Variants in ADAMTS19 observed in about 807,000 individuals in gnomAD.
ADAMTS19 encodes the protein ADAM metallopeptidase with thrombospondin type 1 motif 19.
ADAMTS19 carries 93 observed loss-of-function variants against 153.3 expected under a neutral mutation model. That is an observed-to-expected ratio of 0.61 (90% CI 0.51 to 0.72). The LOEUF is 0.72. Among genes scored for constraint, ADAMTS19 ranks in the 30% least tolerant of loss-of-function variants. ADAMTS19 has a pLI of 0.00. For missense variants in ADAMTS19, 1,482 were observed against 1,552.1 expected, an observed-to-expected ratio of 0.95 and a Z score of 0.76; for synonymous variants, 600 against 556.6, an observed-to-expected ratio of 1.08 and a Z score of -1.10.
At position 129,526,447 on chromosome 5, in the gene ADAMTS19, C is replaced by A. The variant is rs1223976702; in HGVS notation, c.1077C>A (p.Ile359=). The A allele has an allele frequency of 6.3e-7, 1 of 1,590,550 alleles. No homozygotes were observed. Reference sequence around the variant, plus strand: ...CAGCCAGGAGATTCATTCTAACCATCTTAAATATGGTAGGCAAACTTTAAA... The same window carrying A: ...CAGCCAGGAGATTCATTCTAACCATATTAAATATGGTAGGCAAACTTTAAA... ...ADAARRFILT[I]LNMVFNLFQH... The change falls in exon 4 of 23, where the codon ATC becomes ATA. Residue 359 remains isoleucine (I), a synonymous_variant. Transcript: ENST00000274487.
chr5:129,590,989 C>A (rs1176876540), intron 7 of ADAMTS19, among the ~76,000 whole-genome samples: 1 of 152,142 alleles, frequency 6.6e-6, no homozygotes, highest in Non-Finnish European at 1.5e-5. Context: ...AGTGTTGATG[C>A]GGAGATGTGC....
At chr5:129,637,918 G>A (rs62399044) in intron 10 of ADAMTS19, among the ~76,000 whole-genome samples, 9,223 of 152,044 alleles carry the variant, frequency 0.061, 406 homozygotes, top group Non-Finnish European at 0.087. Flanking sequence ...TAAATGATAC[G>A]AACTTAGGAA....
chr5:129,548,829 T>C (rs765246468), intron 6 of ADAMTS19, among the ~76,000 whole-genome samples: 105 of 151,902 alleles, frequency 6.9e-4, no homozygotes, highest in Non-Finnish European at 1.5e-3. Context: ...ATATACACCA[T>C]AGAATACTAT....
At chr5:129,699,057 C>T (rs1755702016) in intron 19 of ADAMTS19, among the ~76,000 whole-genome samples, 1 of 152,094 alleles carries the variant, frequency 6.6e-6, no homozygotes, top group African/African-American at 2.4e-5. Context: ...GCTAGGAATA[C>T]TTGGGTTTGG....
chr5:129,734,862 A>G, intron 21 of ADAMTS19, 70 bp from the exon 22 acceptor site: 3 of 1,322,994 alleles, frequency 2.3e-6, no homozygotes, highest in Non-Finnish European at 1.0e-6. Flanking sequence ...ATGTTCCCAC[A>G]CCCTAGAAAA....
rs533227460 is a variant in ADAMTS19 at position 129,530,301 on chromosome 5, T to C, written c.1328+1624T>C. Among the ~76,000 whole-genome samples the C allele has an allele frequency of 2.2e-4, 33 of 152,250 alleles. 1 individual carries two copies. The South Asian group carries it at 6.2e-3, about 29-fold the overall frequency. Reference sequence around the variant, plus strand: ...GATTAATGTTGTTGTAATTGGAGTCTCCGAAGGAGAGAGTAAGAATGGGTA... The same window carrying C: ...GATTAATGTTGTTGTAATTGGAGTCCCCGAAGGAGAGAGTAAGAATGGGTA... On this transcript the variant is annotated intron_variant, in intron 6 of 22. Transcript: ENST00000274487.
chr5:129,674,593 G>A (rs1754473084), intron 16 of ADAMTS19, among the ~76,000 whole-genome samples: 1 of 152,014 alleles, frequency 6.6e-6, no homozygotes, highest in African/African-American at 2.4e-5. Flanking sequence ...AGCATTTACA[G>A]TATGTATTTT....
intron 2 of ADAMTS19, among the ~76,000 whole-genome samples, chr5:129,469,344 T>C (rs528150688): frequency 5.3e-5 from 8 of 152,132 alleles, no homozygotes; most frequent in Non-Finnish European, 7.4e-5. Flanking sequence ...AAGCAAATTT[T>C]CTCAAACATC....
intron 8 of ADAMTS19, among the ~76,000 whole-genome samples, chr5:129,606,902 CTTTATTTATTTA>C (rs147321070): frequency 6.7e-6 from 1 of 149,880 alleles, no homozygotes; most frequent in African/African-American, 2.5e-5. Context: ...TATGTTTCCA[CTTTATTTATTTA>C]TTTATTTATT....
chr5:129,621,071 C>T (rs1445663631), intron 9 of ADAMTS19, among the ~76,000 whole-genome samples: 1 of 152,118 alleles, frequency 6.6e-6, no homozygotes, highest in Non-Finnish European at 1.5e-5. Context: ...TGGAAATATT[C>T]ACACTGTTCA....
intron 6 of ADAMTS19, among the ~76,000 whole-genome samples, chr5:129,532,869 C>T (rs1205277656): frequency 6.6e-6 from 1 of 152,084 alleles, no homozygotes; most frequent in East Asian, 1.9e-4. Flanking sequence ...GAGGCCTAGG[C>T]AGGCAGGCAG....
intron 11 of ADAMTS19, among the ~76,000 whole-genome samples, chr5:129,645,677 T>C (rs909710631): frequency 1.3e-5 from 2 of 152,102 alleles, no homozygotes; most frequent in Non-Finnish European, 2.9e-5. Context: ...AGTCTTTCAA[T>C]GCCAGCTTGC....
intron 2 of ADAMTS19, among the ~76,000 whole-genome samples, chr5:129,505,219 T>A (rs1751232781): frequency 6.6e-6 from 1 of 152,030 alleles, no homozygotes; most frequent in South Asian, 2.1e-4. Flanking sequence ...ATGAAGAAAA[T>A]TGCAATAAAT....
intron 19 of ADAMTS19, among the ~76,000 whole-genome samples, chr5:129,700,786 G>A (rs1294300597): frequency 7.1e-6 from 1 of 141,578 alleles, no homozygotes; most frequent in Non-Finnish European, 1.5e-5. Context: ...AATATGACAT[G>A]GAAAAAGTCT....
rs553836299 is a variant in ADAMTS19 at position 129,529,849 on chromosome 5, T to C, written c.1328+1172T>C. Among the ~76,000 whole-genome samples, 322 of 152,236 alleles carry C rather than the reference T, an allele frequency of 2.1e-3. 1 individual carries two copies. The highest frequency in any genetic ancestry group is 7.2e-3 in the African/African-American group (299 of 41,540). On this transcript the variant is annotated intron_variant, in intron 6 of 22. Transcript: ENST00000274487. ...CAAATTTACCATAGGATTGCTGCTA[T>C]GGAGTTCAGAATTTAAAAAGATAAG...
At chr5:129,677,771 C>A (rs892588013) in intron 16 of ADAMTS19, among the ~76,000 whole-genome samples, 3 of 152,238 alleles carry the variant, frequency 2.0e-5, no homozygotes, top group Middle Eastern at 3.4e-3. Flanking sequence ...CTACACCAGC[C>A]CATTTTCCAC....
intron 7 of ADAMTS19, among the ~76,000 whole-genome samples, chr5:129,563,017 C>A (rs1753578424): frequency 6.6e-6 from 1 of 152,140 alleles, no homozygotes; most frequent in Non-Finnish European, 1.5e-5. Flanking sequence ...CAAAAAGAAG[C>A]ATATCCATAC....
At chr5:129,658,367 A>G (rs13189005) in intron 14 of ADAMTS19, among the ~76,000 whole-genome samples, 2,518 of 127,522 alleles carry the variant, frequency 0.02, 219 homozygotes, top group African/African-American at 0.075. Context: ...GAAAGAAAGA[A>G]AGAGAGAGAG....
chr5:129,621,347 C>T (rs920326651), intron 9 of ADAMTS19, among the ~76,000 whole-genome samples: 2 of 152,060 alleles, frequency 1.3e-5, no homozygotes, highest in African/African-American at 4.8e-5. Flanking sequence ...AGAAGGATCA[C>T]CTGAAGCAGT....
Sources: gnomAD v4.1 joint callset for allele counts (sites outside exome capture counted in the v4.1 genomes callset) on GRCh38, gnomAD v4.1.1 for gene constraint, MANE v1.5 for transcripts, NCBI Gene and HGNC (gene_info 2026-07-23, HGNC 2026-07-21) for gene names.